The following EIF2AK3 variants were observed in gnomAD, a reference collection of about 807,000 sequenced individuals.
The protein encoded by EIF2AK3 is eukaryotic translation initiation factor 2 alpha kinase 3.
Under a neutral mutation model 113.5 loss-of-function variants are expected in EIF2AK3, and 50 were observed. That is an observed-to-expected ratio of 0.44 (90% CI 0.35 to 0.56). The LOEUF is 0.56. EIF2AK3 is among the 20% of genes least tolerant of loss of function. The pLI, the probability that EIF2AK3 is intolerant of heterozygous loss-of-function variation, is 0.00. For missense variants in EIF2AK3, 1,185 were observed against 1,378.0 expected (o/e 0.86, Z 2.22); for synonymous variants, 448 against 495.4 (o/e 0.90, Z 1.27).
At chr2:88,576,301 A>G (rs2104413723) in intron 12 of EIF2AK3, among the ~76,000 whole-genome samples, 3 of 152,138 alleles carry the variant, frequency 2.0e-5, no homozygotes, top group African/African-American at 2.4e-5. Context: ...GTTGGTCTTG[A>G]ACTCCTGGGC....
At chr2:88,618,687 G>A (rs1475677912) in intron 1 of EIF2AK3, among the ~76,000 whole-genome samples, 1 of 152,186 alleles carries the variant, frequency 6.6e-6, no homozygotes, top group East Asian at 1.9e-4. Flanking sequence ...TTTATGATGT[G>A]GATGAAGAAG....
chr2:88,595,896 T>C (rs1363409652), intron 2 of EIF2AK3: 7 of 575,112 alleles, frequency 1.2e-5, no homozygotes, highest in Non-Finnish European at 2.2e-5. Flanking sequence ...CTACACATAG[T>C]ACTCTAGTAA....
chr2:88,565,687 A>G (rs1674097858), intron 14 of EIF2AK3, among the ~76,000 whole-genome samples: 1 of 152,252 alleles, frequency 6.6e-6, no homozygotes, highest in African/African-American at 2.4e-5. Context: ...AAATTGGATC[A>G]TACAGAAAAG....
At chr2:88,606,252 T>G (rs1675270966) in intron 2 of EIF2AK3, among the ~76,000 whole-genome samples, 1 of 151,900 alleles carries the variant, frequency 6.6e-6, no homozygotes, top group African/African-American at 2.4e-5. Context: ...TTCACCTAGA[T>G]TAATATATAT....
At chr2:88,609,770 C>T (rs765006226) in intron 2 of EIF2AK3, among the ~76,000 whole-genome samples, 30 of 151,878 alleles carry the variant, frequency 2.0e-4, no homozygotes, top group East Asian at 7.7e-4. Context: ...ACACATCTGA[C>T]GGTATTTGTG....
intron 9 of EIF2AK3, among the ~76,000 whole-genome samples, chr2:88,584,547 AAG>A (rs1553409222): frequency 6.6e-6 from 1 of 151,166 alleles, no homozygotes; most frequent in East Asian, 1.9e-4. Flanking sequence ...AAAAAAAAAA[AAG>A]AATGTACAGT....
In EIF2AK3 at chr2:88,570,854, T is replaced by G. The variant is rs2104403174; in HGVS notation, c.2985+20A>C. 6.2e-7 allele frequency: 1 copy of G among 1,613,892 alleles called. No homozygotes were observed. Among genetic ancestry groups the G allele is most frequent in the Non-Finnish European group, 8.5e-7 (1 of 1,179,800 alleles). The stretch of plus-strand genomic sequence containing the variant: ...GTACATCTGCTGCTGTGCTAGTAAG[T>G]AAAGGTCTGAAAAACTCACCTGCTC... On this transcript the variant is annotated intron_variant, in intron 14 of 16. Transcript: ENST00000303236.
intron 4 of EIF2AK3, among the ~76,000 whole-genome samples, chr2:88,591,649 G>A (rs1674891272): frequency 2.0e-5 from 3 of 152,230 alleles, no homozygotes; most frequent in Middle Eastern, 3.4e-3. Flanking sequence ...TCCTAAAGTG[G>A]CAGTAATAAT....
intron 15 of EIF2AK3, among the ~76,000 whole-genome samples, chr2:88,561,094 C>T (rs542986238): frequency 1.3e-5 from 2 of 150,870 alleles, no homozygotes; most frequent in East Asian, 2.0e-4. Context: ...CTTAGCCTCT[C>T]AAGGCATGTG....
rs1674783380 is a variant in EIF2AK3 at position 88,588,030 on chromosome 2, G to A, written c.1381C>T (p.His461Tyr). 3 of 1,588,464 alleles carry A rather than the reference G, an allele frequency of 1.9e-6. No homozygotes were observed. Among genetic ancestry groups the A allele is most frequent in the Non-Finnish European group, 2.6e-6 (3 of 1,162,676 alleles). Residue 461 changes from histidine (H) to tyrosine (Y), a missense_variant, in exon 8 of 17, where the codon CAT (histidine) becomes TAT (tyrosine). This residue lies in a region of EIF2AK3 where 877 missense variants were observed against 1,024.2 expected (regional missense o/e 0.86). Coordinates refer to ENST00000303236, the MANE Select transcript of EIF2AK3 (RefSeq NM_004836.7). ...AGTGCACCATTACTATATTCTTCAT[G>A]AGAAAACTTATCATTACTGAGACAT... ...DKCLSNDKFS[H>Y]EEYSNGALSI...
chr2:88,558,014 A>C, intron 16 of EIF2AK3, 78 bp from the exon 17 acceptor site: 1 of 1,393,972 alleles, frequency 7.2e-7, no homozygotes, highest in Non-Finnish European at 1.0e-6. Flanking sequence ...GTGCTGGCAA[A>C]ATATTTCTGT....
intron 1 of EIF2AK3, 42 bp downstream of exon 1, chr2:88,626,925 G>C (rs965335615): frequency 6.2e-7 from 1 of 1,601,692 alleles, no homozygotes; most frequent in Non-Finnish European, 8.5e-7. Context: ...CGCGGCTCGC[G>C]CGCGTAAACA....
Position 88,574,705 on chromosome 2 carries a change from C to T in EIF2AK3, c.2778G>A (p.Glu926=). 2 of 1,614,168 alleles carry T rather than the reference C, an allele frequency of 1.2e-6. No homozygotes were observed. The highest frequency in any genetic ancestry group is 1.7e-6 in the Non-Finnish European group (2 of 1,180,018). Reference sequence around the variant, plus strand: ...GCATCAGTCCTTTACTGTGAAGAAACTCCACTGCCTCTGCGATCTGCAGGA... The same window carrying T: ...GCATCAGTCCTTTACTGTGAAGAAATTCCACTGCCTCTGCGATCTGCAGGA... ...HIFLQIAEAV[E]FLHSKGLMHR... is the part of the protein sequence containing the mutation. The change falls in exon 13 of 17, where the codon GAG becomes GAA. Residue 926 remains glutamate, a synonymous_variant. Transcript: ENST00000303236.
At chr2:88,572,337 C>T (rs1247533143) in intron 13 of EIF2AK3, among the ~76,000 whole-genome samples, 1 of 152,182 alleles carries the variant, frequency 6.6e-6, no homozygotes, top group African/African-American at 2.4e-5. Flanking sequence ...GCAGAAGTAT[C>T]TTGACTTTAC....
At chr2:88,595,699 C>T (rs768866557) in intron 2 of EIF2AK3, 36 bp from the exon 3 acceptor site, 48 of 1,564,826 alleles carry the variant, frequency 3.1e-5, no homozygotes, top group Non-Finnish European at 3.6e-5. Flanking sequence ...AGGGCCATAA[C>T]ATTAATTATT....
At chr2:88,572,274 C>A (rs1674332576) in intron 13 of EIF2AK3, among the ~76,000 whole-genome samples, 1 of 152,160 alleles carries the variant, frequency 6.6e-6, no homozygotes, top group South Asian at 2.1e-4. Context: ...TTTACTGAAC[C>A]CTATAATAGA....
Position 88,576,728 on chromosome 2 carries a change from T to G in EIF2AK3, c.1887-25A>C, listed in dbSNP as rs765571893. Reference sequence around the variant, plus strand: ...CCTGAAAGAGAGAAAATATTTAAGGTGATGGATATTCCAATTACACTGATT... The same window carrying G: ...CCTGAAAGAGAGAAAATATTTAAGGGGATGGATATTCCAATTACACTGATT... On this transcript the variant is annotated intron_variant, in intron 11 of 16. Transcript: ENST00000303236. The G allele has an allele frequency of 1.9e-6, 3 of 1,612,444 alleles. No individual in the cohort carries two copies. The South Asian group carries it at 3.3e-5, about 18-fold the overall frequency.
intron 14 of EIF2AK3, among the ~76,000 whole-genome samples, chr2:88,563,639 T>C (rs1000311459): frequency 2.0e-5 from 3 of 152,212 alleles, no homozygotes; most frequent in African/African-American, 4.8e-5. Flanking sequence ...ATTTGGGTAT[T>C]TGGGTACAGG....
At chr2:88,591,757 A>G (rs1674893695) in intron 4 of EIF2AK3, among the ~76,000 whole-genome samples, 1 of 152,212 alleles carries the variant, frequency 6.6e-6, no homozygotes. Flanking sequence ...GAATTCTGAC[A>G]TTTATGGAAA....
Sources: allele counts gnomAD v4.1 joint callset (sites outside exome capture counted in the v4.1 genomes callset), GRCh38; gene constraint gnomAD v4.1.1; regional missense constraint gnomAD v4.1.1; transcripts MANE v1.5; gene names NCBI Gene and HGNC (gene_info 2026-07-23, HGNC 2026-07-21).